CRHR2: variants seen among roughly 807,000 people sequenced by gnomAD.
The protein encoded by CRHR2 is corticotropin-releasing hormone receptor 2.
Under a neutral mutation model 57.9 loss-of-function variants are expected in CRHR2, and 53 were observed. The observed-to-expected ratio is 0.92, with a 90% CI of 0.73 to 1.15. The LOEUF (loss-of-function observed/expected upper bound fraction) is 1.15. Ranked by LOEUF, CRHR2 falls within the 50% of genes most tolerant of loss-of-function variation. The pLI is 0.00. For missense variants in CRHR2, 532 were observed against 542.6 expected (o/e 0.98, Z 0.19); for synonymous variants, 213 against 220.9 (o/e 0.96, Z 0.32).
Position 30,655,037 on chromosome 7 carries a change from A to T in CRHR2, c.1095+2T>A. On this transcript the variant is annotated splice_donor_variant, in intron 11 of 11. Coordinates refer to ENST00000471646, the MANE Select transcript of CRHR2 (RefSeq NM_001883.5). LOFTEE classifies it high-confidence loss of function. ...GGCCACCCCGAGGGCCCAGCTTCAT[A>T]CCTCTCCATTGAAGAAGCAGTAGAA... The T allele has an allele frequency of 6.2e-7, 1 of 1,612,962 alleles. No individual in the cohort carries two copies. Among genetic ancestry groups the T allele is most frequent in the Non-Finnish European group, 8.5e-7 (1 of 1,179,446 alleles).
At chr7:30,690,022 G>T (rs1784929156) in intron 1 of CRHR2, among the ~76,000 whole-genome samples, 1 of 152,214 alleles carries the variant, frequency 6.6e-6, no homozygotes, top group African/African-American at 2.4e-5. Flanking sequence ...CCATCCAAAA[G>T]ATAGAAAAGC....
chr7:30,674,770 T>C (rs1237874653), intron 2 of CRHR2, among the ~76,000 whole-genome samples: 1 of 151,958 alleles, frequency 6.6e-6, no homozygotes, highest in Non-Finnish European at 1.5e-5. Flanking sequence ...CTCTCAGAGA[T>C]AGCAGGAGAC....
At chr7:30,668,207 A>G (rs60588505) in intron 2 of CRHR2, among the ~76,000 whole-genome samples, 3,810 of 152,230 alleles carry the variant, frequency 0.025, 147 homozygotes, top group African/African-American at 0.087. Flanking sequence ...AAATGCTCAC[A>G]TTTGCCTTTC....
At chr7:30,677,054 A>T (rs1411019645) in intron 2 of CRHR2, among the ~76,000 whole-genome samples, 1 of 152,212 alleles carries the variant, frequency 6.6e-6, no homozygotes, top group East Asian at 1.9e-4. Context: ...GGAGGTGGCA[A>T]GACCCTCCTT....
At chr7:30,663,114 AAG>A (rs1431252415) in intron 5 of CRHR2, among the ~76,000 whole-genome samples, 13 of 152,144 alleles carry the variant, frequency 8.5e-5, no homozygotes, top group Non-Finnish European at 1.8e-4. Flanking sequence ...CATTCTAGTA[AAG>A]AGAGCAAGAG....
At chr7:30,679,819 G>A (rs1784640692) in intron 2 of CRHR2, among the ~76,000 whole-genome samples, 1 of 152,144 alleles carries the variant, frequency 6.6e-6, no homozygotes, top group African/African-American at 2.4e-5. Context: ...TGAAGAAAGG[G>A]GAGGAGGGAA....
chr7:30,655,169 G>C (rs1040569471), intron 10 of CRHR2, 89 bp from the exon 11 acceptor site: 17 of 1,411,704 alleles, frequency 1.2e-5, no homozygotes, highest in East Asian at 4.9e-5. Context: ...AAGATGGTGG[G>C]GGGGGGACAA....
chr7:30,662,863 A>G lies in CRHR2; in HGVS notation c.544-16T>C. ...GGCACCAGACCTGTGTGCAGGGCAG[A>G]GAGGCTGTCAGGAGGCAGCTTGGGG... On this transcript the variant is annotated splice_polypyrimidine_tract_variant and intron_variant, in intron 5 of 11. Transcript: ENST00000471646. 4 of 1,612,646 alleles carry G rather than the reference A, an allele frequency of 2.5e-6. No individual in the cohort carries two copies. The highest frequency in any genetic ancestry group is 3.4e-6 in the Non-Finnish European group (4 of 1,178,980).
chr7:30,665,509 A>C lies in CRHR2; in HGVS notation c.425+21T>G. On this transcript the variant is annotated intron_variant, in intron 4 of 11. Transcript: ENST00000471646. The surrounding 1 kb of genome is among the most constrained non-coding windows in gnomAD (Gnocchi z 4.5). ...GTAGGGGGAGGGATGAGGAGAAAGC[A>C]AGGCGGAAGGGCAGACTCACCGCAG... 6.5e-7 allele frequency: 1 copy of C among 1,542,938 alleles called. No homozygotes were observed. The highest frequency in any genetic ancestry group is 8.8e-7 in the Non-Finnish European group (1 of 1,138,424).
intron 2 of CRHR2, among the ~76,000 whole-genome samples, chr7:30,679,197 G>T (rs1784617757): frequency 6.6e-6 from 1 of 152,146 alleles, no homozygotes; most frequent in Non-Finnish European, 1.5e-5. Context: ...CAGCTCAGAG[G>T]GCTAAGTCCT....
At chr7:30,654,079 C>T (rs1351037875) in intron 11 of CRHR2, among the ~76,000 whole-genome samples, 2 of 152,184 alleles carry the variant, frequency 1.3e-5, no homozygotes, top group Non-Finnish European at 2.9e-5. Flanking sequence ...CTGCTAGACT[C>T]CCCTGCCTGA....
intron 8 of CRHR2, among the ~76,000 whole-genome samples, chr7:30,659,284 T>C (rs544269865): frequency 8.5e-5 from 13 of 152,308 alleles, no homozygotes; most frequent in Admixed American, 7.2e-4. Context: ...CACTGAGCTC[T>C]TGCGTTCCTC....
chr7:30,691,545 C>G (rs1314997899), intron 1 of CRHR2, among the ~76,000 whole-genome samples: 2 of 152,238 alleles, frequency 1.3e-5, no homozygotes, highest in East Asian at 3.9e-4. Context: ...ATTCTGTGGT[C>G]TCAGGCTGTG....
At chr7:30,681,812 C>G in intron 2 of CRHR2, 103 bp downstream of exon 2, 3 of 1,446,954 alleles carry the variant, frequency 2.1e-6, no homozygotes, top group Non-Finnish European at 1.8e-6. Flanking sequence ...GTACCGCGGC[C>G]GTCAGCAGCT....
chr7:30,683,904 GGCAAAGCAGC>G (rs752053271), upstream of CRHR2, among the ~76,000 whole-genome samples: 180 of 152,336 alleles, frequency 1.2e-3, no homozygotes, highest in Non-Finnish European at 2.0e-3. Context: ...GGCAGAGAGA[GGCAAAGCAGC>G]AGGCAGGCTG....
At chr7:30,688,827 C>G (rs1463215332) in intron 2 of CRHR2, 2 of 464,094 alleles carry the variant, frequency 4.3e-6, no homozygotes, top group Non-Finnish European at 8.6e-6. Flanking sequence ...GAAGTCACAC[C>G]TGTAGCCACG....
intron 2 of CRHR2, among the ~76,000 whole-genome samples, chr7:30,673,768 C>T (rs1784435124): frequency 6.6e-6 from 1 of 152,202 alleles, no homozygotes; most frequent in Non-Finnish European, 1.5e-5. Flanking sequence ...GGAGGACTGA[C>T]CAACTTTGAG....
At chr7:30,655,000 C>T (rs1325281538) in intron 11 of CRHR2, 39 bp downstream of exon 11, 1 of 1,607,264 alleles carries the variant, frequency 6.2e-7, no homozygotes, top group South Asian at 1.1e-5. Flanking sequence ...GTCTGAGGAC[C>T]TGGATATCCC....
chr7:30,656,800 T>C lies in CRHR2; in HGVS notation c.832-788A>G, dbSNP rs1279183515. 2.0e-5 allele frequency among the ~76,000 whole-genome samples: 3 copies of C among 152,166 alleles called. No individual in the cohort carries two copies. The highest frequency in any genetic ancestry group is 2.0e-4 in the Admixed American group (3 of 15,286). ...CATCTGTATTGGCTGTGACTATGAC[T>C]GTGTTGTCCCCTGGGAGCTGCAGTG... On this transcript the variant is annotated intron_variant, in intron 8 of 11. Transcript: ENST00000471646. The surrounding 1 kb of genome is among the most constrained non-coding windows in gnomAD (Gnocchi z 4.4).
Sources: allele counts gnomAD v4.1 joint callset (sites outside exome capture counted in the v4.1 genomes callset), GRCh38; gene constraint gnomAD v4.1.1; non-coding constraint Gnocchi (gnomAD v3.1); transcripts MANE v1.5; gene names NCBI Gene and HGNC (gene_info 2026-07-23, HGNC 2026-07-21).